The following NAA11 variants were observed in gnomAD, a reference collection of about 807,000 sequenced individuals.
NAA11 encodes the protein N-alpha-acetyltransferase 11, NatA catalytic subunit.
In NAA11, 15 loss-of-function variants were observed where a neutral mutation model predicts 16.1. The ratio of observed to expected loss-of-function variants is 0.93; its 90% CI spans 0.62 to 1.44. The LOEUF (loss-of-function observed/expected upper bound fraction) is 1.44, where lower values mean the gene tolerates loss of function less well. Among genes scored for constraint, NAA11 ranks in the 40% most tolerant of loss-of-function variants. NAA11 has a pLI of 0.00. For synonymous variants in NAA11, 122 were observed against 112.4 expected, an observed-to-expected ratio of 1.09 and a Z score of -0.54; for missense variants, 298 against 291.3, an observed-to-expected ratio of 1.02 and a Z score of -0.17.
chr4:79,297,131 T>C (rs931237840), intron 1 of NAA11, among the ~76,000 whole-genome samples: 1 of 152,134 alleles, frequency 6.6e-6, no homozygotes, highest in African/African-American at 2.4e-5. Context: ...GGCCATGCAG[T>C]TGCCGCTGTC....
chr4:79,306,630 T>C (rs1723587657), intron 1 of NAA11: 1 of 152,242 alleles, frequency 6.6e-6, no homozygotes, highest in African/African-American at 2.4e-5. Flanking sequence ...GTTATAACTT[T>C]TATTTTTCAA....
intron 2 of NAA11, among the ~76,000 whole-genome samples, chr4:79,261,184 T>C (rs981141010): frequency 3.3e-5 from 5 of 152,230 alleles, no homozygotes; most frequent in African/African-American, 1.2e-4. Context: ...CTAGTTATTA[T>C]TATTTTTAAT....
At chr4:79,240,821 G>A (rs1721675037) in intron 2 of NAA11, among the ~76,000 whole-genome samples, 1 of 152,172 alleles carries the variant, frequency 6.6e-6, no homozygotes, top group Non-Finnish European at 1.5e-5. Flanking sequence ...TAGATTCTCT[G>A]TGGTGTCTCC....
chr4:79,247,066 G>A (rs1721856104), intron 2 of NAA11, among the ~76,000 whole-genome samples: 2 of 152,198 alleles, frequency 1.3e-5, no homozygotes, highest in South Asian at 4.1e-4. Context: ...TGGTGCAGAA[G>A]TAAGACTTGA....
the NAA11 span, among the ~76,000 whole-genome samples, chr4:79,210,845 A>T: frequency 6.6e-6 from 1 of 152,316 alleles, no homozygotes; most frequent in South Asian, 2.1e-4. Flanking sequence ...TCAGTTATTT[A>T]GTTTCTCTAA....
rs80314490 is a variant in NAA11, at chr4:79,247,897, G to A, written c.*123-21627C>T. On this transcript the variant is annotated intron_variant and NMD_transcript_variant, in intron 2 of 2. Transcript: ENST00000511542. ...GAGAGAGCAGCTTAGAGAGGTGGTA[G>A]GGGCAGAACTCCAGCTGGCACAGAT... Among the ~76,000 whole-genome samples, 1,144 of 152,298 alleles carry A rather than the reference G, an allele frequency of 7.5e-3. 16 individuals carry two copies. The highest frequency in any genetic ancestry group is 0.026 in the African/African-American group (1,083 of 41,568).
rs1175549946 is a variant in NAA11 at position 79,284,667 on chromosome 4, G to A, written c.*122+9338C>T. ...GGGTGGATCATGAGGTCAGGAGATC[G>A]AGACCATCCTGGCTAACAAGGTGAA... On this transcript the variant is annotated intron_variant and NMD_transcript_variant, in intron 2 of 2. Coordinates refer to the NAA11 transcript ENST00000511542. Among the ~76,000 whole-genome samples, 3 of 86,906 alleles carry A rather than the reference G, an allele frequency of 3.5e-5. 1 individual carries two copies. 57.0% of individuals were successfully genotyped at this position (86,906 alleles called of 152,430 possible).
At chr4:79,173,065 C>T in the NAA11 span, among the ~76,000 whole-genome samples, 6 of 152,060 alleles carry the variant, frequency 3.9e-5, no homozygotes, top group African/African-American at 7.2e-5. Flanking sequence ...GAAACTCCAG[C>T]GAGCCAAGAT....
At chr4:79,271,282 G>A (rs1722486379) in intron 2 of NAA11, among the ~76,000 whole-genome samples, 1 of 130,378 alleles carries the variant, frequency 7.7e-6, no homozygotes, top group Non-Finnish European at 1.6e-5. Context: ...ATTCACAATT[G>A]CTTCAAAGAG....
intron 2 of NAA11, among the ~76,000 whole-genome samples, chr4:79,260,234 T>G (rs949834503): frequency 6.6e-6 from 1 of 152,238 alleles, no homozygotes; most frequent in Admixed American, 6.5e-5. Flanking sequence ...GTTGGTGGTT[T>G]ATCCTCATCC....
At chr4:79,190,877 A>G in the NAA11 span, among the ~76,000 whole-genome samples, 16 of 151,908 alleles carry the variant, frequency 1.1e-4, no homozygotes, top group Non-Finnish European at 2.2e-4. Context: ...TAATGTTCAT[A>G]ATTTCTTATT....
chr4:79,209,748 A>G, the NAA11 span, among the ~76,000 whole-genome samples: 1 of 152,266 alleles, frequency 6.6e-6, no homozygotes, highest in African/African-American at 2.4e-5. Flanking sequence ...AACCCAGTTT[A>G]GATTACATTG....
the NAA11 span, among the ~76,000 whole-genome samples, chr4:79,202,874 G>A: frequency 6.6e-6 from 1 of 150,442 alleles, no homozygotes; most frequent in African/African-American, 2.4e-5. Flanking sequence ...TTATTAGTGA[G>A]GTAAACCTAC....
chr4:79,285,678 TAAAAG>T (rs1469621576), intron 2 of NAA11, among the ~76,000 whole-genome samples: 3 of 151,954 alleles, frequency 2.0e-5, no homozygotes, highest in African/African-American at 7.2e-5. Flanking sequence ...CTCCTTTCAT[TAAAAG>T]AAGAGATTTA....
chr4:79,288,378 A>G (rs1422932549), intron 2 of NAA11, among the ~76,000 whole-genome samples: 1 of 152,240 alleles, frequency 6.6e-6, no homozygotes, highest in African/African-American at 2.4e-5. Flanking sequence ...GTAAGAAAAA[A>G]AACATTATGC....
chr4:79,318,472 ATATT>A (rs1723994753), intron 1 of NAA11, among the ~76,000 whole-genome samples: 1 of 152,182 alleles, frequency 6.6e-6, no homozygotes, highest in Non-Finnish European at 1.5e-5. Flanking sequence ...CATTCAATAA[ATATT>A]TACTCAGTAC....
At chr4:79,307,838 T>C (rs893971663) in intron 1 of NAA11, among the ~76,000 whole-genome samples, 3 of 152,248 alleles carry the variant, frequency 2.0e-5, no homozygotes, top group African/African-American at 7.2e-5. Context: ...ATTTTCTTAA[T>C]ATATTTCTAA....
In NAA11 at chr4:79,317,350, G is replaced by A. The variant is rs1457862412; in HGVS notation, c.*454C>T. ...AGAGGGCATGAGGTCTGACTTCATG[G>A]TCCTGACTACTTCACCTCCTCAAGG... is the stretch of plus-strand genomic sequence containing the variant. On this transcript the variant is annotated 3_prime_UTR_variant, in exon 2 of 2. Transcript: ENST00000286794. 1 of 152,134 alleles carries A rather than the reference G, an allele frequency of 6.6e-6. No homozygotes were observed. Among genetic ancestry groups the A allele is most frequent in the Non-Finnish European group, 1.5e-5 (1 of 68,038 alleles). The allele number at this position is 152,134 out of a possible 1,614,324, so 9.4% of individuals were successfully genotyped here.
chr4:79,280,281 A>G (rs905336133), intron 2 of NAA11, among the ~76,000 whole-genome samples: 4 of 139,252 alleles, frequency 2.9e-5, no homozygotes, highest in Non-Finnish European at 1.6e-5. Flanking sequence ...CTTCCTCCAG[A>G]TACAATGTTG....
Sources: allele counts gnomAD v4.1 joint callset (sites outside exome capture counted in the v4.1 genomes callset), GRCh38; gene constraint gnomAD v4.1.1; transcripts MANE v1.5; gene names NCBI Gene and HGNC (gene_info 2026-07-23, HGNC 2026-07-21).